Variants in NSF observed in about 807,000 individuals in gnomAD.
NSF encodes the protein vesicle-fusing ATPase.
Under a neutral mutation model 50.3 loss-of-function variants are expected in NSF, and 14 were observed. The observed-to-expected ratio is 0.28, with a 90% CI of 0.18 to 0.44. The LOEUF (loss-of-function observed/expected upper bound fraction) is 0.44. Ranked by LOEUF, NSF falls within the 20% of genes least tolerant of loss-of-function variation. NSF has a pLI of 1.00. For missense variants in NSF, 218 were observed against 504.3 expected (o/e 0.43, Z 5.44); for synonymous variants, 109 against 175.7 (o/e 0.62, Z 3.00).
At chr17:46,738,978 G>A (rs557385776) in intron 17 of NSF, among the ~76,000 whole-genome samples, 3 of 145,826 alleles carry the variant, frequency 2.1e-5, no homozygotes, top group South Asian at 2.2e-4. Flanking sequence ...GCTCACACCC[G>A]TAATCCCAGC....
At chr17:46,712,458 C>T (rs1312396790) in intron 14 of NSF, among the ~76,000 whole-genome samples, 1 of 152,182 alleles carries the variant, frequency 6.6e-6, no homozygotes, top group African/African-American at 2.4e-5. Context: ...TGGGTTCTGG[C>T]ATACATAGCC....
chr17:46,610,041 C>CTCTCTCTTTCTT (rs545055767), intron 1 of NSF, among the ~76,000 whole-genome samples: 5 of 118,652 alleles, frequency 4.2e-5, no homozygotes, highest in Non-Finnish European at 5.6e-5. Flanking sequence ...CTCTCTCTCT[C>CTCTCTCTTTCTT]TCTTTCTTTC....
chr17:46,722,460 T>C (rs1347265885), intron 15 of NSF, among the ~76,000 whole-genome samples: 4 of 152,210 alleles, frequency 2.6e-5, no homozygotes, highest in Non-Finnish European at 1.5e-5. Context: ...TTCTCGCATC[T>C]TTCTTTCCAG....
At chr17:46,708,823 T>TATATATA (rs368512144) in intron 13 of NSF, among the ~76,000 whole-genome samples, 9 of 59,592 alleles carry the variant, frequency 1.5e-4, no homozygotes, top group African/African-American at 4.1e-4. Flanking sequence ...TATATATATA[T>TATATATA]TTTTTTTTTT....
intron 2 of NSF, among the ~76,000 whole-genome samples, chr17:46,625,303 A>T (rs1228436915): frequency 8.6e-6 from 1 of 116,902 alleles, no homozygotes; most frequent in Non-Finnish European, 1.7e-5. Context: ...TGCCATCCAT[A>T]TGCTTCTGAG....
rs72628335 is a variant in NSF, at chr17:46,716,171, A to G, written c.1761+2185A>G. On this transcript the variant is annotated intron_variant, in intron 15 of 20. Transcript: ENST00000398238. ...GGGGTCAAACCAGTCTAAAGATGCTAAGTCTTCCAGGTTGTTTTTGAAAAT... is the reference window on the plus strand; with the variant it reads ...GGGGTCAAACCAGTCTAAAGATGCTGAGTCTTCCAGGTTGTTTTTGAAAAT... 1.2e-3 allele frequency among the ~76,000 whole-genome samples: 186 copies of G among 152,250 alleles called. 7 individuals carry two copies. The East Asian group carries it at 0.027, about 22-fold the overall frequency.
intron 13 of NSF, among the ~76,000 whole-genome samples, chr17:46,710,248 C>T (rs894881737): frequency 1.3e-5 from 2 of 152,166 alleles, no homozygotes; most frequent in African/African-American, 4.8e-5. Context: ...ATTGTAAATA[C>T]TAAAGTTATT....
intron 17 of NSF, among the ~76,000 whole-genome samples, chr17:46,747,679 T>C (rs968200376): frequency 4.6e-5 from 7 of 152,070 alleles, no homozygotes; most frequent in African/African-American, 1.7e-4. Flanking sequence ...AATAAGTTAG[T>C]GTAAAGGTTG....
Position 46,755,925 on chromosome 17 carries a change from G to A in NSF, c.*102G>A, listed in dbSNP as rs1022895132. 5.3e-6 allele frequency: 6 copies of A among 1,140,782 alleles called. No individual in the cohort carries two copies. The highest frequency in any genetic ancestry group is 1.5e-5 in the African/African-American group (1 of 64,980). 70.7% of individuals were successfully genotyped at this position (1,140,782 alleles called of 1,614,324 possible). On this transcript the variant is annotated 3_prime_UTR_variant, in exon 21 of 21. Coordinates refer to ENST00000398238, the MANE Select transcript of NSF (RefSeq NM_006178.4). ...CTCAAGATACTGGACTAAGTGGAAC[G>A]TTCTCTACCTTCAACATGTGCTCGC...
intron 17 of NSF, among the ~76,000 whole-genome samples, chr17:46,742,680 T>C: frequency 6.6e-6 from 1 of 152,052 alleles, no homozygotes; most frequent in Non-Finnish European, 1.5e-5. Context: ...CCTGTGTGGC[T>C]ATGGAAGGGA....
In NSF at chr17:46,723,338, A is replaced by G. The variant is rs542776732; in HGVS notation, c.1762-3211A>G. Among the ~76,000 whole-genome samples the G allele has an allele frequency of 6.6e-5, 10 of 152,328 alleles. 1 individual carries two copies. The South Asian group carries it at 2.1e-3, about 32-fold the overall frequency. ...TGAAAAATGTTTTGAAAAGCAAAGC[A>G]TTATTTTCAGTGATTCCTTAAAATT... On this transcript the variant is annotated intron_variant, in intron 15 of 20. Coordinates refer to ENST00000398238, the MANE Select transcript of NSF (RefSeq NM_006178.4).
At position 46,621,312 on chromosome 17, in the gene NSF, G is replaced by A. The variant is rs2058064104; in HGVS notation, c.13-2932G>A. ...TGGAATTTTTTTTTTTTTGAGATAG[G>A]GTCTCGCTCTGTTGCCCAGACTGGA... is the stretch of plus-strand genomic sequence containing the variant. On this transcript the variant is annotated intron_variant, in intron 1 of 20. Transcript: ENST00000398238. Among the ~76,000 whole-genome samples, 2 of 140,522 alleles carry A rather than the reference G, an allele frequency of 1.4e-5. 1 individual carries two copies. Among genetic ancestry groups the A allele is most frequent in the Admixed American group, 1.5e-4 (2 of 13,770 alleles). The allele number at this position is 140,522 out of a possible 152,430, so 92.2% of individuals were successfully genotyped here. A position where few individuals can be genotyped will look rare whatever the true frequency, so the allele number is the denominator to read the frequency against.
chr17:46,747,485 A>G (rs2059142302), intron 17 of NSF, among the ~76,000 whole-genome samples: 1 of 152,032 alleles, frequency 6.6e-6, no homozygotes, highest in Non-Finnish European at 1.5e-5. Context: ...TCGCCATGTT[A>G]CCTAGACAAG....
At chr17:46,625,879 TAA>T (rs147622864) in intron 2 of NSF, among the ~76,000 whole-genome samples, 277 of 58,988 alleles carry the variant, frequency 4.7e-3, no homozygotes, top group African/African-American at 0.02. Context: ...CCACATGTAT[TAA>T]AAAAAAAAAA....
At position 46,755,329 on chromosome 17, in the gene NSF, C is replaced by T. The variant is rs766398347; in HGVS notation, c.2173C>T (p.Arg725Cys). Residue 725 changes from arginine (R) to cysteine (C), a missense_variant, in exon 20 of 21, where the codon CGT becomes TGT. Around this residue, in one of 2 missense-constraint regions of NSF, gnomAD observed 209 missense variants for 320.9 expected, o/e 0.65. Coordinates refer to ENST00000398238, the MANE Select transcript of NSF (RefSeq NM_006178.4). ...ATGTATTTAGATGGATCCTGAATAC[C>T]GTGTGAGAAAATTCTTGGCCCTCTT... ...EMSLQMDPEY[R>C]VRKFLALLRE... The T allele has an allele frequency of 9.9e-6, 16 of 1,613,216 alleles. No individual in the cohort carries two copies. The highest frequency in any genetic ancestry group is 2.7e-5 in the African/African-American group (2 of 74,904).
chr17:46,715,613 A>G (rs1383702604), intron 15 of NSF, among the ~76,000 whole-genome samples: 2 of 152,196 alleles, frequency 1.3e-5, no homozygotes, highest in South Asian at 2.1e-4. Flanking sequence ...TAGTTTTTCT[A>G]TAAAGTTTTT....
chr17:46,708,806 A>T (rs867537912), intron 13 of NSF, among the ~76,000 whole-genome samples: 7 of 86,258 alleles, frequency 8.1e-5, no homozygotes, highest in Non-Finnish European at 1.1e-4. Flanking sequence ...CATTTATTTT[A>T]TATATATATA....
chr17:46,716,503 C>T (rs542977661), intron 15 of NSF, among the ~76,000 whole-genome samples: 11 of 152,108 alleles, frequency 7.2e-5, no homozygotes, highest in Admixed American at 6.5e-4. Context: ...ATGATCCGCA[C>T]GCCTCAGCCT....
intron 19 of NSF, among the ~76,000 whole-genome samples, chr17:46,754,795 A>G (rs188431693): frequency 5.3e-5 from 8 of 152,200 alleles, no homozygotes; most frequent in African/African-American, 1.7e-4. Context: ...TTTTAGTTTT[A>G]GCACAACTTT....
Sources: allele counts gnomAD v4.1 joint callset (sites outside exome capture counted in the v4.1 genomes callset), GRCh38; gene constraint gnomAD v4.1.1; regional missense constraint gnomAD v4.1.1; transcripts MANE v1.5; gene names NCBI Gene and HGNC (gene_info 2026-07-23, HGNC 2026-07-21).